The following ZEB1 variants were observed in gnomAD, a reference collection of about 807,000 sequenced individuals.
ZEB1 encodes zinc finger E-box binding homeobox 1.
In ZEB1, 21 loss-of-function variants were observed where a neutral mutation model predicts 84.9. The ratio of observed to expected loss-of-function variants is 0.25; its 90% CI spans 0.18 to 0.36. ZEB1 has a LOEUF of 0.36. Among genes scored for constraint, ZEB1 ranks in the 10% least tolerant of loss-of-function variants. ZEB1 has a pLI of 1.00. For synonymous variants in ZEB1, 420 were observed against 471.1 expected (o/e 0.89, Z 1.41); for missense variants, 1,104 against 1,330.2 (o/e 0.83, Z 2.65).
chr10:31,440,890 G>C (rs28829414), intron 1 of ZEB1, among the ~76,000 whole-genome samples: 8,020 of 152,012 alleles, frequency 0.053, 557 homozygotes, highest in African/African-American at 0.16. Flanking sequence ...CAAACCACTG[G>C]TCAAGGAAAT....
intron 1 of ZEB1, among the ~76,000 whole-genome samples, chr10:31,390,871 A>T (rs1470087792): frequency 6.6e-6 from 1 of 152,148 alleles, no homozygotes; most frequent in African/African-American, 2.4e-5. Context: ...TCATTCTTTA[A>T]CATTTTTAAT....
At chr10:31,470,130 AG>A (rs1301642676) in intron 2 of ZEB1, among the ~76,000 whole-genome samples, 1 of 152,232 alleles carries the variant, frequency 6.6e-6, no homozygotes, top group Non-Finnish European at 1.5e-5. Flanking sequence ...GAACAGAAAA[AG>A]TGGAAACTCT....
At chr10:31,375,884 T>C (rs2046533232) in intron 1 of ZEB1, among the ~76,000 whole-genome samples, 1 of 151,764 alleles carries the variant, frequency 6.6e-6, no homozygotes, top group South Asian at 2.1e-4. Flanking sequence ...ACATCCATTC[T>C]TAAGAATTTG....
At chr10:31,491,875 A>G (rs2066580820) in intron 2 of ZEB1, among the ~76,000 whole-genome samples, 1 of 151,974 alleles carries the variant, frequency 6.6e-6, no homozygotes, top group African/African-American at 2.4e-5. Flanking sequence ...ATTCACATAC[A>G]TATTATAAAT....
chr10:31,343,684 G>T (rs2039793157), intron 1 of ZEB1, among the ~76,000 whole-genome samples: 1 of 152,084 alleles, frequency 6.6e-6, no homozygotes, highest in African/African-American at 2.4e-5. Flanking sequence ...TGGAGGAGAT[G>T]ATTCTGAAGG....
chr10:31,324,946 C>T (rs1390408787), intron 1 of ZEB1, among the ~76,000 whole-genome samples: 2 of 151,948 alleles, frequency 1.3e-5, no homozygotes, highest in Non-Finnish European at 2.9e-5. Flanking sequence ...GTAGGCATTG[C>T]CATATAAACT....
intron 1 of ZEB1, among the ~76,000 whole-genome samples, chr10:31,366,491 C>A (rs2044520834): frequency 6.6e-6 from 1 of 152,074 alleles, no homozygotes; most frequent in Non-Finnish European, 1.5e-5. Context: ...TGTCTCTGTC[C>A]ATTTTCAAAG....
intron 5 of ZEB1, among the ~76,000 whole-genome samples, chr10:31,512,868 T>C (rs970998865): frequency 3.3e-5 from 5 of 152,084 alleles, no homozygotes; most frequent in African/African-American, 1.2e-4. Context: ...GAGAAGGGCA[T>C]TCCAGTCAGA....
intron 1 of ZEB1, among the ~76,000 whole-genome samples, chr10:31,440,100 A>C (rs968449318): frequency 6.6e-6 from 1 of 152,186 alleles, no homozygotes; most frequent in African/African-American, 2.4e-5. Flanking sequence ...ATATTTTTAT[A>C]GGTATTTCCT....
chr10:31,448,953 T>C (rs1211281878), intron 1 of ZEB1, among the ~76,000 whole-genome samples: 1 of 152,234 alleles, frequency 6.6e-6, no homozygotes, highest in African/African-American at 2.4e-5. Flanking sequence ...AGTTGGAGCT[T>C]CCTGGCTGCT....
intron 1 of ZEB1, among the ~76,000 whole-genome samples, chr10:31,384,990 C>T (rs1324315754): frequency 6.6e-6 from 1 of 152,168 alleles, no homozygotes; most frequent in Non-Finnish European, 1.5e-5. Flanking sequence ...CAAAGGCTTA[C>T]AGCATGTTGA....
At chr10:31,404,923 T>C (rs2052700356) in intron 1 of ZEB1, among the ~76,000 whole-genome samples, 1 of 152,130 alleles carries the variant, frequency 6.6e-6, no homozygotes, top group Non-Finnish European at 1.5e-5. Flanking sequence ...GCTGGCTTCA[T>C]GGGTGTGCAA....
intron 1 of ZEB1, among the ~76,000 whole-genome samples, chr10:31,373,877 T>A (rs1313901667): frequency 6.6e-6 from 1 of 151,824 alleles, no homozygotes; most frequent in Non-Finnish European, 1.5e-5. Flanking sequence ...ATTTCTAAAT[T>A]TGGTTACATT....
At chr10:31,330,381 A>T (rs1200302285) in intron 1 of ZEB1, among the ~76,000 whole-genome samples, 1 of 152,122 alleles carries the variant, frequency 6.6e-6, no homozygotes, top group African/African-American at 2.4e-5. Context: ...AAGGTTCTTC[A>T]TGTCCTTGAC....
At chr10:31,469,667 G>C (rs1352884500) in intron 2 of ZEB1, among the ~76,000 whole-genome samples, 2 of 152,240 alleles carry the variant, frequency 1.3e-5, no homozygotes, top group Admixed American at 6.5e-5. Flanking sequence ...GGCTTCCTTA[G>C]GTAAACAAAG....
At chr10:31,398,336 ATAT>A (rs1323123195) in intron 1 of ZEB1, among the ~76,000 whole-genome samples, 3 of 152,030 alleles carry the variant, frequency 2.0e-5, no homozygotes, top group Non-Finnish European at 1.5e-5. Flanking sequence ...TATTTTATTA[ATAT>A]TATTGTATGA....
chr10:31,523,440 G>A (rs1212655239), intron 7 of ZEB1, among the ~76,000 whole-genome samples: 1 of 152,176 alleles, frequency 6.6e-6, no homozygotes, highest in East Asian at 1.9e-4. Context: ...AAGTTCTGGA[G>A]GATACAATTG....
At chr10:31,321,658 G>T in intron 1 of ZEB1, 1 of 1,352,306 alleles carries the variant, frequency 7.4e-7, no homozygotes, top group Non-Finnish European at 1.1e-6. Flanking sequence ...CCCAGCGTCT[G>T]TGCAGCTGCT....
At chr10:31,362,267 C>T (rs2043332783) in intron 1 of ZEB1, among the ~76,000 whole-genome samples, 1 of 146,098 alleles carries the variant, frequency 6.8e-6, no homozygotes, top group African/African-American at 2.6e-5. Flanking sequence ...CGGCGCTCCT[C>T]CTCAATTCCC....
Sources: gnomAD v4.1 joint callset for allele counts (sites outside exome capture counted in the v4.1 genomes callset) on GRCh38, gnomAD v4.1.1 for gene constraint, MANE v1.5 for transcripts, NCBI Gene and HGNC (gene_info 2026-07-23, HGNC 2026-07-21) for gene names.